CTNNA3: variants seen among roughly 807,000 people sequenced by gnomAD.
CTNNA3 encodes the protein catenin alpha 3, also known as catenin alpha-3.
CTNNA3 carries 76 observed loss-of-function variants against 95.7 expected under a neutral mutation model. The ratio of observed to expected loss-of-function variants is 0.79; its 90% CI spans 0.66 to 0.96. CTNNA3 has a LOEUF of 0.96. Ranked by LOEUF, CTNNA3 falls within the 40% of genes least tolerant of loss-of-function variation. The probability of loss-of-function intolerance (pLI) is 0.00; values close to 1 mark genes in which losing one functional copy is unlikely to be tolerated. For missense variants in CTNNA3, 1,191 were observed against 1,089.8 expected, an observed-to-expected ratio of 1.09 and a Z score of -1.31; for synonymous variants, 431 against 374.4, an observed-to-expected ratio of 1.15 and a Z score of -1.74.
intron 1 of CTNNA3, among the ~76,000 whole-genome samples, chr10:67,656,260 T>G (rs1840022227): frequency 6.6e-6 from 1 of 152,196 alleles, no homozygotes; most frequent in Non-Finnish European, 1.5e-5. Context: ...TCGTAAGTGA[T>G]GAAGGAATAG....
intron 12 of CTNNA3, among the ~76,000 whole-genome samples, chr10:66,342,974 G>A (rs1335976997): frequency 6.6e-6 from 1 of 151,976 alleles, no homozygotes; most frequent in African/African-American, 2.4e-5. Flanking sequence ...TATAACATGA[G>A]GTCACCATTT....
At position 66,348,740 on chromosome 10, in the gene CTNNA3, C is replaced by T. The variant is rs10997072; in HGVS notation, c.1732+30412G>A. Among the ~76,000 whole-genome samples the T allele has an allele frequency of 4.4e-3, 676 of 152,050 alleles. 9 individuals are homozygous for T. The highest frequency in any genetic ancestry group is 0.016 in the African/African-American group (646 of 41,500). On this transcript the variant is annotated intron_variant, in intron 12 of 17. Coordinates refer to ENST00000433211, the MANE Select transcript of CTNNA3 (RefSeq NM_013266.4). ...CTGTAGGTTTTACTCTACGAGTGTC[C>T]GCTTGTTGATGATGTGATGTAATCT...
chr10:66,894,183 G>A (rs1421771977), intron 7 of CTNNA3, among the ~76,000 whole-genome samples: 5 of 151,882 alleles, frequency 3.3e-5, no homozygotes, highest in Non-Finnish European at 5.9e-5. Context: ...ATTTATACAC[G>A]TTAATTTTTA....
At chr10:67,559,113 T>A (rs1451777401) in intron 3 of CTNNA3, among the ~76,000 whole-genome samples, 1 of 152,202 alleles carries the variant, frequency 6.6e-6, no homozygotes, top group East Asian at 1.9e-4. Flanking sequence ...AATGTCCCTG[T>A]CTGACAGCTT....
intron 12 of CTNNA3, among the ~76,000 whole-genome samples, chr10:66,336,688 T>G: frequency 6.6e-6 from 1 of 152,192 alleles, no homozygotes; most frequent in East Asian, 1.9e-4. Flanking sequence ...TCTACTTACT[T>G]TCCAATAATT....
At chr10:66,994,087 C>T (rs2132946941) in intron 7 of CTNNA3, among the ~76,000 whole-genome samples, 1 of 152,200 alleles carries the variant, frequency 6.6e-6, no homozygotes, top group South Asian at 2.1e-4. Flanking sequence ...ACTATCTTAA[C>T]CAAGTTAAGC....
intron 11 of CTNNA3, among the ~76,000 whole-genome samples, chr10:66,419,568 A>G (rs1265307124): frequency 6.6e-6 from 1 of 152,150 alleles, no homozygotes; most frequent in Non-Finnish European, 1.5e-5. Flanking sequence ...CCAAAAAATA[A>G]CCAGAATATC....
chr10:67,127,917 T>A (rs1223312652), intron 7 of CTNNA3, among the ~76,000 whole-genome samples: 1 of 152,084 alleles, frequency 6.6e-6, no homozygotes, highest in African/African-American at 2.4e-5. Context: ...TGTACATGCA[T>A]GTGTATCAAA....
At chr10:66,838,042 AT>A (rs777045466) in intron 7 of CTNNA3, among the ~76,000 whole-genome samples, 4 of 152,084 alleles carry the variant, frequency 2.6e-5, no homozygotes, top group Non-Finnish European at 4.4e-5. Context: ...CATTCACTGC[AT>A]CACCTAGGGC....
At chr10:66,318,656 A>G (rs551978896) in intron 12 of CTNNA3, among the ~76,000 whole-genome samples, 9 of 152,030 alleles carry the variant, frequency 5.9e-5, no homozygotes, top group African/African-American at 2.2e-4. Context: ...TAGATTAACC[A>G]CCTCTTCTAA....
intron 11 of CTNNA3, among the ~76,000 whole-genome samples, chr10:66,480,718 C>G (rs554370865): frequency 6.6e-6 from 1 of 152,226 alleles, no homozygotes; most frequent in East Asian, 1.9e-4. Flanking sequence ...GATTGTCCTG[C>G]CTCAGCCTCC....
intron 11 of CTNNA3, among the ~76,000 whole-genome samples, chr10:66,460,698 A>G (rs1156806959): frequency 6.6e-6 from 1 of 152,144 alleles, no homozygotes; most frequent in African/African-American, 2.4e-5. Flanking sequence ...ATGGAATCCC[A>G]TAAAATCTCT....
intron 13 of CTNNA3, among the ~76,000 whole-genome samples, chr10:66,255,318 C>A (rs974605227): frequency 4.6e-5 from 7 of 152,084 alleles, no homozygotes; most frequent in African/African-American, 1.7e-4. Context: ...TCTTATAGTG[C>A]CGTATCTAAA....
At chr10:66,958,713 A>C (rs1021417469) in intron 7 of CTNNA3, among the ~76,000 whole-genome samples, 1 of 152,144 alleles carries the variant, frequency 6.6e-6, no homozygotes, top group Non-Finnish European at 1.5e-5. Flanking sequence ...AAATTTGACA[A>C]AGGAACACTC....
intron 7 of CTNNA3, among the ~76,000 whole-genome samples, chr10:66,803,797 T>C (rs1392665534): frequency 6.6e-6 from 1 of 152,086 alleles, no homozygotes; most frequent in East Asian, 1.9e-4. Context: ...GATTCCAAAA[T>C]CCATTCTCTT....
chr10:66,843,432 C>G (rs1843139040), intron 7 of CTNNA3, among the ~76,000 whole-genome samples: 1 of 152,140 alleles, frequency 6.6e-6, no homozygotes, highest in Admixed American at 6.6e-5. Context: ...TGAGATGTGC[C>G]TGATAAACAC....
intron 5 of CTNNA3, among the ~76,000 whole-genome samples, chr10:67,297,032 G>C (rs889353391): frequency 7.1e-6 from 1 of 141,276 alleles, no homozygotes; most frequent in Non-Finnish European, 1.5e-5. Context: ...GATCAGCTTT[G>C]TAGAGGAAAA....
intron 12 of CTNNA3, among the ~76,000 whole-genome samples, chr10:66,340,351 G>C (rs2092440954): frequency 6.6e-6 from 1 of 151,822 alleles, no homozygotes; most frequent in Non-Finnish European, 1.5e-5. Context: ...CAGAGAGTCA[G>C]AGAGGTCAAG....
intron 7 of CTNNA3, among the ~76,000 whole-genome samples, chr10:66,879,890 T>C (rs1368725866): frequency 6.6e-6 from 1 of 152,106 alleles, no homozygotes; most frequent in African/African-American, 2.4e-5. Flanking sequence ...CTTAGAAATG[T>C]AGCCTGGAGC....
Sources: gnomAD v4.1 joint callset for allele counts (sites outside exome capture counted in the v4.1 genomes callset) on GRCh38, gnomAD v4.1.1 for gene constraint, MANE v1.5 for transcripts, NCBI Gene and HGNC (gene_info 2026-07-23, HGNC 2026-07-21) for gene names.